Variants in SSUH2 observed in about 807,000 individuals in gnomAD.
SSUH2 encodes the protein protein SSUH2 homolog.
SSUH2 carries 47 observed loss-of-function variants against 55.3 expected under a neutral mutation model. The ratio of observed to expected loss-of-function variants is 0.85; its 90% confidence interval spans 0.67 to 1.08. SSUH2 has a LOEUF of 1.08. Among genes scored for constraint, SSUH2 ranks in the 50% least tolerant of loss-of-function variants. The pLI is 0.00. For synonymous variants in SSUH2, 212 were observed against 191.5 expected (o/e 1.11, Z -0.89); for missense variants, 535 against 490.7 (o/e 1.09, Z -0.85).
In SSUH2 at chr3:8,633,733, C is replaced by T. The variant is rs1251960867; in HGVS notation, c.272G>A (p.Cys91Tyr). Residue 91 changes from cysteine to tyrosine, a missense_variant, in exon 4 of 12, where the codon TGC (cysteine) becomes TAC (tyrosine). By Grantham distance (194) the Cys-to-Tyr change is radical. Coordinates refer to ENST00000544814, the MANE Select transcript of SSUH2 (RefSeq NM_001256748.3). ...TCCAGCCACCGTGCTGCTGTAGCAG[C>T]ACTTAGAGTCCACAAAGCTGAGGAG... ...EALLSFVDSK[C>Y]CYSSTVAGDL... 3.8e-6 allele frequency: 6 copies of T among 1,597,090 alleles called. No individual in the cohort carries two copies. The highest frequency in any genetic ancestry group is 5.1e-6 in the Non-Finnish European group (6 of 1,170,756).
At chr3:8,676,862 C>T (rs567568166) in intron 3 of SSUH2, among the ~76,000 whole-genome samples, 14 of 146,832 alleles carry the variant, frequency 9.5e-5, no homozygotes, top group African/African-American at 2.8e-4. Context: ...ACCCCCATCG[C>T]AGGGGAGGAG....
In SSUH2 at chr3:8,620,014, G is replaced by A. The variant is rs761227472; in HGVS notation, c.982C>T (p.Arg328Cys). The A allele has an allele frequency of 2.7e-5, 43 of 1,613,642 alleles. No homozygotes were observed. The highest frequency in any genetic ancestry group is 1.5e-4 in the South Asian group (14 of 91,022). ...AGGGGGATCAGCTCAATGGTCTGGC[G>A]CTGAGGAAACAAATAGCCAAGGAAA... The part of the protein sequence containing the change: ...LASRARVLQQ[R>C]QTIELIPLTE... Residue 328 changes from arginine (R) to cysteine (C), a missense_variant and splice_region_variant, in exon 12 of 12, where the codon CGC becomes TGC. Physicochemically the swap from Arg to Cys is radical, Grantham distance 180. Transcript: ENST00000544814.
intron 7 of SSUH2, among the ~76,000 whole-genome samples, chr3:8,655,633 T>C (rs1702858348): frequency 6.6e-6 from 1 of 152,240 alleles, no homozygotes; most frequent in African/African-American, 2.4e-5. Flanking sequence ...AAATATTGAC[T>C]TGGAACTCGT....
chr3:8,671,885 T>G (rs1328991309), intron 4 of SSUH2: 1 of 145,842 alleles, frequency 6.9e-6, no homozygotes, highest in Non-Finnish European at 1.5e-5. Flanking sequence ...ATCACCCCCC[T>G]CTCCCCACCT....
chr3:8,627,350 T>C (rs1697804784), intron 8 of SSUH2: 1 of 219,774 alleles, frequency 4.6e-6, no homozygotes, highest in Non-Finnish European at 8.9e-6. Context: ...CCTCAGTGAG[T>C]TAAAAATCTG....
chr3:8,649,466 C>T (rs2125310821), upstream of SSUH2, among the ~76,000 whole-genome samples: 2 of 152,234 alleles, frequency 1.3e-5, no homozygotes, highest in Middle Eastern at 6.8e-3. Context: ...TCCACGCACT[C>T]ATGATTCCCA....
chr3:8,626,022 T>G (rs547885058), intron 9 of SSUH2, among the ~76,000 whole-genome samples: 1 of 152,282 alleles, frequency 6.6e-6, no homozygotes, highest in South Asian at 2.1e-4. Flanking sequence ...ATGGCAGAAT[T>G]TGGACTGAGG....
At chr3:8,626,979 G>T (rs1446446648) in intron 8 of SSUH2, 1 of 152,134 alleles carries the variant, frequency 6.6e-6, no homozygotes, top group Non-Finnish European at 1.5e-5. Flanking sequence ...ACTTGCAAAT[G>T]AAAGAAAAAT....
chr3:8,648,035 G>T (rs970241724), upstream of SSUH2, among the ~76,000 whole-genome samples: 1 of 152,174 alleles, frequency 6.6e-6, no homozygotes, highest in Non-Finnish European at 1.5e-5. Flanking sequence ...GGCCCAAGTC[G>T]TGGACCTCTA....
chr3:8,620,686 AC>A (rs1696244286), intron 11 of SSUH2, among the ~76,000 whole-genome samples: 1 of 152,206 alleles, frequency 6.6e-6, no homozygotes, highest in African/African-American at 2.4e-5. Context: ...ACGGAAAGTC[AC>A]CAACCAAGTA....
chr3:8,641,338 AAT>A (rs1700803881), intron 1 of SSUH2, among the ~76,000 whole-genome samples: 1 of 152,194 alleles, frequency 6.6e-6, no homozygotes, highest in African/African-American at 2.4e-5. Flanking sequence ...CACAGCACAA[AAT>A]ACCTAACCTG....
At chr3:8,625,452 G>A (rs1697330093) in intron 10 of SSUH2, 90 bp downstream of exon 10, 1 of 765,056 alleles carries the variant, frequency 1.3e-6, no homozygotes, top group Admixed American at 2.2e-5. Flanking sequence ...TCCAAGGAAT[G>A]CAGCCTGCAC....
upstream of SSUH2, among the ~76,000 whole-genome samples, chr3:8,646,848 C>T (rs533621542): frequency 6.6e-6 from 1 of 152,220 alleles, no homozygotes; most frequent in South Asian, 2.1e-4. Flanking sequence ...ATGTGCCTGA[C>T]ATCTGACAGT....
intron 7 of SSUH2, among the ~76,000 whole-genome samples, chr3:8,656,041 T>C (rs895227246): frequency 4.6e-5 from 7 of 151,840 alleles, no homozygotes; most frequent in African/African-American, 1.7e-4. Context: ...GGGTGGTTTG[T>C]TCTGTTTTTT....
At chr3:8,653,174 C>G (rs1021217766) in intron 7 of SSUH2, among the ~76,000 whole-genome samples, 2 of 152,076 alleles carry the variant, frequency 1.3e-5, no homozygotes, top group Non-Finnish European at 2.9e-5. Context: ...TCTGGCTGGA[C>G]ATGAAGAAGG....
chr3:8,680,195 GC>G (rs1344121597), intron 1 of SSUH2, among the ~76,000 whole-genome samples: 1 of 152,126 alleles, frequency 6.6e-6, no homozygotes, highest in East Asian at 1.9e-4. Flanking sequence ...CTAAAGGATG[GC>G]CCCCCGTTTG....
In SSUH2 at chr3:8,676,423, A is replaced by G. The variant is rs1161446942; in HGVS notation, c.-753+783T>C. Among the ~76,000 whole-genome samples, 2 of 151,114 alleles carry G rather than the reference A, an allele frequency of 1.3e-5. 1 individual carries two copies. Among genetic ancestry groups the G allele is most frequent in the East Asian group, 4.1e-4 (2 of 4,874 alleles). On this transcript the variant is annotated intron_variant, in intron 3 of 18. Coordinates refer to the SSUH2 transcript ENST00000317371. ...AAAGTAATATCATCTTCTTCCCTCC[A>G]GGATCGTGGGAAAAATATCCCTGGG...
At chr3:8,663,638 A>G in intron 6 of SSUH2, 1 of 334,806 alleles carries the variant, frequency 3.0e-6, no homozygotes, top group South Asian at 2.3e-5. Flanking sequence ...GGTCAGTTAG[A>G]CCAGCAATGT....
At chr3:8,654,079 A>G (rs949204193) in intron 7 of SSUH2, among the ~76,000 whole-genome samples, 1 of 152,206 alleles carries the variant, frequency 6.6e-6, no homozygotes, top group African/African-American at 2.4e-5. Flanking sequence ...GGATGGCTGG[A>G]ATTCCAAGAT....
Sources: gnomAD v4.1 joint callset for allele counts (sites outside exome capture counted in the v4.1 genomes callset) on GRCh38, gnomAD v4.1.1 for gene constraint, MANE v1.5 for transcripts, NCBI Gene and HGNC (gene_info 2026-07-23, HGNC 2026-07-21) for gene names.